MAST2: variants seen among roughly 807,000 people sequenced by gnomAD.
MAST2 encodes microtubule associated serine/threonine kinase 2.
A neutral mutation model predicts 147.4 loss-of-function variants in MAST2; 70 were observed. The observed-to-expected ratio is 0.47, with a 90% CI of 0.39 to 0.58. The LOEUF (loss-of-function observed/expected upper bound fraction) is 0.58. Ranked by LOEUF, MAST2 falls within the 20% of genes least tolerant of loss-of-function variation. MAST2 has a pLI of 0.00. For missense variants in MAST2, 2,080 were observed against 2,302.3 expected (o/e 0.90, Z 1.98); for synonymous variants, 869 against 896.8 (o/e 0.97, Z 0.55).
chr1:45,811,166 CTTTTT>C (rs375439362), intron 1 of MAST2, among the ~76,000 whole-genome samples: 1 of 127,888 alleles, frequency 7.8e-6, no homozygotes, highest in Non-Finnish European at 1.7e-5. Context: ...CAGTATATTT[CTTTTT>C]TTTTTTTTTT....
At position 45,904,853 on chromosome 1, in the gene MAST2, G is replaced by C. The variant is rs144245563; in HGVS notation, c.500+22458G>C. Among the ~76,000 whole-genome samples, 446 of 152,230 alleles carry C rather than the reference G, an allele frequency of 2.9e-3. 3 individuals are homozygous for C. The highest frequency in any genetic ancestry group is 0.02 in the East Asian group (106 of 5,174). ...AGAGAGGCCTTGCTCTGTTGCCCAGGCTGGAGTGTAGTGGTGTGATCATGG... is the reference window on the plus strand; with the variant it reads ...AGAGAGGCCTTGCTCTGTTGCCCAGCCTGGAGTGTAGTGGTGTGATCATGG... On this transcript the variant is annotated intron_variant, in intron 4 of 28. Coordinates refer to ENST00000361297, the MANE Select transcript of MAST2 (RefSeq NM_015112.3).
Position 46,025,730 on chromosome 1 carries a change from G to A in MAST2, c.1834G>A (p.Val612Met). Reference protein sequence around the residue: ...KNIGALPVDMVRLYFAETVLA... With the variant: ...KNIGALPVDMMRLYFAETVLA... ...TATTGGGGCCCTGCCTGTGGACATG[G>A]TGCGTCTATACTTTGCGGAAACTGT... The change falls in exon 16 of 29, where the codon GTG becomes ATG. Residue 612 changes from valine (V) to methionine (M), a missense_variant. By Grantham distance (21) the Val-to-Met change is conservative (BLOSUM62 1). Transcript: ENST00000361297. The A allele has an allele frequency of 1.9e-6, 3 of 1,614,212 alleles. No homozygotes were observed. Among genetic ancestry groups the A allele is most frequent in the East Asian group, 2.2e-5 (1 of 44,886 alleles).
rs1342937612 is a variant in MAST2 at position 46,031,819 on chromosome 1, C to T, written c.3187+234C>T. Among the ~76,000 whole-genome samples, 5 of 152,186 alleles carry T rather than the reference C, an allele frequency of 3.3e-5. No homozygotes were observed. Among genetic ancestry groups the T allele is most frequent in the Non-Finnish European group, 7.4e-5 (5 of 68,020 alleles). ...TAGAGAGCTCACACTCAAATCCTGG[C>T]TCCATCACTAACAGGCTCTTGACCT... On this transcript the variant is annotated intron_variant, in intron 24 of 28. Transcript: ENST00000361297. The surrounding 1 kb of genome is among the most constrained non-coding windows in gnomAD (Gnocchi z 4.1).
intron 5 of MAST2, among the ~76,000 whole-genome samples, chr1:45,965,074 G>A (rs942540876): frequency 1.3e-5 from 2 of 152,192 alleles, no homozygotes; most frequent in South Asian, 4.1e-4. Flanking sequence ...TTGCACTGTG[G>A]TGTGAGAGAC....
At chr1:45,969,696 C>T (rs559009334) in intron 5 of MAST2, among the ~76,000 whole-genome samples, 2 of 151,854 alleles carry the variant, frequency 1.3e-5, no homozygotes, top group Admixed American at 6.6e-5. Flanking sequence ...CCCACTGATT[C>T]TATATTATGG....
At chr1:45,949,662 A>G (rs1658638275) in intron 4 of MAST2, among the ~76,000 whole-genome samples, 1 of 152,206 alleles carries the variant, frequency 6.6e-6, no homozygotes, top group African/African-American at 2.4e-5. Context: ...CAGTATGGTG[A>G]TTCCTCAAAG....
At chr1:45,831,844 A>G (rs554153985) in intron 3 of MAST2, among the ~76,000 whole-genome samples, 1 of 145,820 alleles carries the variant, frequency 6.9e-6, no homozygotes, top group South Asian at 2.2e-4. Flanking sequence ...TAGTGGTGTG[A>G]TCTTGGCTCA....
chr1:45,933,530 A>G (rs1655691848), intron 4 of MAST2, among the ~76,000 whole-genome samples: 1 of 151,184 alleles, frequency 6.6e-6, no homozygotes, highest in African/African-American at 2.4e-5. Context: ...ATCTGAGGTC[A>G]GGAGTTTGAG....
chr1:45,812,908 T>C (rs1272430245), intron 1 of MAST2, among the ~76,000 whole-genome samples: 1 of 152,148 alleles, frequency 6.6e-6, no homozygotes, highest in Non-Finnish European at 1.5e-5. Context: ...TTGTGTTTGA[T>C]TTTTTTCTTA....
intron 3 of MAST2, among the ~76,000 whole-genome samples, chr1:45,880,081 C>G (rs1646777676): frequency 6.6e-6 from 1 of 152,118 alleles, no homozygotes; most frequent in African/African-American, 2.4e-5. Context: ...AAATATATAT[C>G]TACCCTTTAA....
intron 1 of MAST2, among the ~76,000 whole-genome samples, chr1:45,811,914 G>A (rs541201983): frequency 1.1e-4 from 17 of 152,204 alleles, no homozygotes; most frequent in African/African-American, 3.6e-4. Flanking sequence ...GATTACAGGC[G>A]TGAGCCACTG....
Position 46,035,463 on chromosome 1 carries a change from A to G in MAST2, c.4794A>G (p.Ala1598=). 2 of 1,613,272 alleles carry G rather than the reference A, an allele frequency of 1.2e-6. No individual in the cohort carries two copies. Among genetic ancestry groups the G allele is most frequent in the East Asian group, 2.2e-5 (1 of 44,834 alleles). The change falls in exon 29 of 29, where the codon GCA becomes GCG. Residue 1598 remains alanine, a synonymous_variant. Coordinates refer to ENST00000361297, the MANE Select transcript of MAST2 (RefSeq NM_015112.3). This position sits in a 1 kb window ranked among gnomAD's most constrained non-coding sequence, Gnocchi z 5.5. ...AIEEAASSSS[A]GPNLGQSGAT... ...AGGAGGCTGCCAGCTCCTCCTCAGC[A>G]GGCCCCAACCTAGGTCAGTCTGGAG...
rs1570962726 is a variant in MAST2, at chr1:45,964,841, C to T, written c.592+5364C>T. On this transcript the variant is annotated intron_variant, in intron 5 of 28. Transcript: ENST00000361297. ...GTCAACTTTAGATCTTTCCTGCTTT[C>T]TCTTGTGGGCATTTAGTGCTATAAA... is the stretch of plus-strand genomic sequence containing the variant. 2.6e-5 allele frequency among the ~76,000 whole-genome samples: 4 copies of T among 152,162 alleles called. No homozygotes were observed. The East Asian group carries it at 7.7e-4, about 29-fold the overall frequency.
chr1:45,970,798 G>GTTT (rs770669631), intron 5 of MAST2, among the ~76,000 whole-genome samples: 3,669 of 130,654 alleles, frequency 0.028, 184 homozygotes, highest in African/African-American at 0.092. Flanking sequence ...ACTAAGAAGT[G>GTTT]TTTTTTTTTT....
chr1:45,951,374 G>A (rs1366423849), intron 4 of MAST2, among the ~76,000 whole-genome samples: 1 of 152,200 alleles, frequency 6.6e-6, no homozygotes, highest in African/African-American at 2.4e-5. Context: ...CTTGAGCCCA[G>A]GAGTTCAAGA....
intron 3 of MAST2, among the ~76,000 whole-genome samples, chr1:45,835,058 G>A (rs148888828): frequency 6.6e-6 from 1 of 151,826 alleles, no homozygotes; most frequent in African/African-American, 2.4e-5. Context: ...GCCATGTATT[G>A]TATTTGTTTT....
intron 2 of MAST2, among the ~76,000 whole-genome samples, chr1:45,825,698 G>T (rs531265127): frequency 2.0e-5 from 3 of 151,854 alleles, no homozygotes; most frequent in African/African-American, 7.2e-5. Flanking sequence ...CTCCCAAAGT[G>T]CTGGGATTAC....
intron 3 of MAST2, among the ~76,000 whole-genome samples, chr1:45,838,838 A>G (rs149564065): frequency 6.6e-6 from 1 of 152,372 alleles, no homozygotes; most frequent in East Asian, 1.9e-4. Flanking sequence ...AATATGAACT[A>G]CTTGAAGATA....
At chr1:46,016,744 T>C (rs988907495) in intron 10 of MAST2, among the ~76,000 whole-genome samples, 4 of 152,214 alleles carry the variant, frequency 2.6e-5, no homozygotes, top group Non-Finnish European at 5.9e-5. Context: ...ATGGCCATAC[T>C]GCCCAAGGTA....
Sources: allele counts gnomAD v4.1 joint callset (sites outside exome capture counted in the v4.1 genomes callset), GRCh38; gene constraint gnomAD v4.1.1; non-coding constraint Gnocchi (gnomAD v3.1); transcripts MANE v1.5; gene names NCBI Gene and HGNC (gene_info 2026-07-23, HGNC 2026-07-21).